The following RALGAPA1 variants were observed in gnomAD, a reference collection of about 807,000 sequenced individuals.
RALGAPA1 encodes Ral GTPase activating protein catalytic subunit alpha 1.
A neutral mutation model predicts 269.6 loss-of-function variants in RALGAPA1; 52 were observed. The observed-to-expected ratio is 0.19, with a 90% CI of 0.15 to 0.24. The LOEUF is 0.24. RALGAPA1 is among the 10% of genes least tolerant of loss of function. The probability of loss-of-function intolerance (pLI) is 1.00; values close to 1 mark genes in which losing one functional copy is unlikely to be tolerated. For synonymous variants in RALGAPA1, 817 were observed against 1,008.3 expected (o/e 0.81, Z 3.60); for missense variants, 1,917 against 3,013.9 (o/e 0.64, Z 8.52).
chr14:35,710,652 G>A (rs186372640), intron 16 of RALGAPA1, among the ~76,000 whole-genome samples: 38 of 152,102 alleles, frequency 2.5e-4, no homozygotes, highest in African/African-American at 6.7e-4. Context: ...ATGATGTTTC[G>A]GTCACCAACA....
At chr14:35,703,362 C>T (rs891965840) in intron 16 of RALGAPA1, among the ~76,000 whole-genome samples, 5 of 152,060 alleles carry the variant, frequency 3.3e-5, no homozygotes, top group African/African-American at 9.7e-5. Context: ...CCTGTGGTCC[C>T]AGCTACTCCG....
intron 31 of RALGAPA1, among the ~76,000 whole-genome samples, chr14:35,649,036 C>T (rs1207651871): frequency 1.3e-5 from 2 of 152,166 alleles, no homozygotes; most frequent in East Asian, 1.9e-4. Context: ...CATATATTCT[C>T]ACAATGTTAA....
intron 33 of RALGAPA1, among the ~76,000 whole-genome samples, chr14:35,632,454 C>T (rs1272203616): frequency 3.3e-5 from 5 of 152,106 alleles, no homozygotes; most frequent in South Asian, 2.1e-4. Context: ...ATTATTATGG[C>T]GTACAAAAGC....
chr14:35,607,830 A>T (rs1157332688), intron 35 of RALGAPA1, among the ~76,000 whole-genome samples: 1 of 152,216 alleles, frequency 6.6e-6, no homozygotes, highest in African/African-American at 2.4e-5. Context: ...AGAATCAGGA[A>T]ACGAGACAGC....
At chr14:35,639,526 A>G (rs1323531441) in intron 31 of RALGAPA1, among the ~76,000 whole-genome samples, 6 of 152,232 alleles carry the variant, frequency 3.9e-5, no homozygotes. Context: ...AGGCCAAAAA[A>G]TAAGTCTTAA....
At chr14:35,702,401 T>C (rs1048920216) in intron 16 of RALGAPA1, among the ~76,000 whole-genome samples, 1 of 152,202 alleles carries the variant, frequency 6.6e-6, no homozygotes. Flanking sequence ...GCATGGAATA[T>C]GCTAAGATAA....
At chr14:35,669,815 T>C (rs1461211174) in intron 26 of RALGAPA1, among the ~76,000 whole-genome samples, 2 of 152,204 alleles carry the variant, frequency 1.3e-5, no homozygotes, top group Non-Finnish European at 2.9e-5. Flanking sequence ...TTATTCTATA[T>C]CCCTCTGTAT....
intron 37 of RALGAPA1, among the ~76,000 whole-genome samples, chr14:35,588,725 CATT>C (rs950362700): frequency 2.6e-5 from 4 of 152,106 alleles, no homozygotes; most frequent in African/African-American, 9.7e-5. Context: ...TTAGAACTAT[CATT>C]ATGATCCAGC....
intron 16 of RALGAPA1, among the ~76,000 whole-genome samples, chr14:35,702,902 G>T (rs983672134): frequency 1.3e-5 from 2 of 151,628 alleles, no homozygotes; most frequent in African/African-American, 2.4e-5. Context: ...ACCACGCCAG[G>T]CTAATTTTTG....
chr14:35,624,514 G>C (rs947624689), intron 35 of RALGAPA1, among the ~76,000 whole-genome samples: 6 of 151,246 alleles, frequency 4.0e-5, no homozygotes, highest in African/African-American at 1.5e-4. Context: ...GGAACACGAA[G>C]AAATATAACA....
intron 9 of RALGAPA1, among the ~76,000 whole-genome samples, chr14:35,749,663 A>C (rs1390770320): frequency 6.6e-6 from 1 of 152,134 alleles, no homozygotes; most frequent in Non-Finnish European, 1.5e-5. Context: ...GAATTTTCGC[A>C]CTTAATAGTT....
chr14:35,700,081 T>C (rs2067219917), intron 17 of RALGAPA1, 81 bp downstream of exon 17: 1 of 1,287,792 alleles, frequency 7.8e-7, no homozygotes, highest in East Asian at 2.6e-5. Flanking sequence ...CTTTAAAGAG[T>C]TTATTTGATT....
Position 35,800,469 on chromosome 14 carries a change from A to C in RALGAPA1, c.106+8261T>G, listed in dbSNP as rs1287480922. Among the ~76,000 whole-genome samples, 4 of 152,266 alleles carry C rather than the reference A, an allele frequency of 2.6e-5. No homozygotes were observed. The East Asian group carries it at 7.7e-4, about 29-fold the overall frequency. The stretch of plus-strand genomic sequence containing the variant: ...AATAATCCATAAATATGTGAAGCTA[A>C]AGAACAGACTTGTAAATAACCCATG... On this transcript the variant is annotated intron_variant, in intron 1 of 41. Coordinates refer to ENST00000680220, the MANE Select transcript of RALGAPA1 (RefSeq NM_001346249.2).
At chr14:35,635,814 A>G (rs1275866588) in intron 31 of RALGAPA1, among the ~76,000 whole-genome samples, 1 of 152,208 alleles carries the variant, frequency 6.6e-6, no homozygotes, top group Admixed American at 6.5e-5. Context: ...GCATAATGAA[A>G]CAGTAAGCAT....
At chr14:35,603,115 C>G (rs137881348) in intron 36 of RALGAPA1, among the ~76,000 whole-genome samples, 43 of 152,230 alleles carry the variant, frequency 2.8e-4, no homozygotes, top group Middle Eastern at 3.4e-3. Flanking sequence ...CTTGTACCAG[C>G]AGTACCACAC....
At chr14:35,657,600 G>A (rs2063273340) in intron 28 of RALGAPA1, among the ~76,000 whole-genome samples, 1 of 151,402 alleles carries the variant, frequency 6.6e-6, no homozygotes, top group Non-Finnish European at 1.5e-5. Flanking sequence ...AACACAAGCT[G>A]TTGTGTTAAT....
chr14:35,555,851 G>GGTGTTGTCTC (rs1412638736), intron 39 of RALGAPA1, among the ~76,000 whole-genome samples: 3 of 152,108 alleles, frequency 2.0e-5, no homozygotes, highest in Non-Finnish European at 2.9e-5. Context: ...CAATGACCTA[G>GGTGTTGTCTC]GTGTTGTGCG....
rs549525820 is a variant in RALGAPA1, at chr14:35,672,856, T to C, written c.5073+11A>G. 46 of 1,516,680 alleles carry C rather than the reference T, an allele frequency of 3.0e-5. No homozygotes were observed. Among genetic ancestry groups the C allele is most frequent in the Non-Finnish European group, 3.9e-5 (44 of 1,129,080 alleles). The allele number at this position is 1,516,680 out of a possible 1,614,324, so 94.0% of individuals were successfully genotyped here. A position where few individuals can be genotyped will look rare whatever the true frequency, so the allele number is the denominator to read the frequency against. ...AACTACTTCTTAGATGATACATATA[T>C]ATATAGTTACCTGGTCAATATGAAG... On this transcript the variant is annotated intron_variant, in intron 25 of 41. Transcript: ENST00000680220.
chr14:35,580,565 T>C (rs1407215528), intron 37 of RALGAPA1, among the ~76,000 whole-genome samples: 2 of 152,196 alleles, frequency 1.3e-5, no homozygotes, highest in Admixed American at 1.3e-4. Context: ...ATAGTCTATG[T>C]TGTAAATATT....
Sources: allele counts gnomAD v4.1 joint callset (sites outside exome capture counted in the v4.1 genomes callset), GRCh38; gene constraint gnomAD v4.1.1; transcripts MANE v1.5; gene names NCBI Gene and HGNC (gene_info 2026-07-23, HGNC 2026-07-21).